CDH13: variants seen among roughly 807,000 people sequenced by gnomAD.
CDH13 encodes the protein cadherin-13.
A neutral mutation model predicts 63.8 loss-of-function variants in CDH13; 24 were observed. The ratio of observed to expected loss-of-function variants is 0.38; its 90% CI spans 0.27 to 0.53. CDH13 has a LOEUF of 0.53. CDH13 is among the 20% of genes least tolerant of loss of function. The pLI, the probability that CDH13 is intolerant of heterozygous loss-of-function variation, is 0.85. For synonymous variants in CDH13, 503 were observed against 355.3 expected (o/e 1.42, Z -4.67); for missense variants, 1,049 against 903.1 (o/e 1.16, Z -2.07).
chr16:83,699,979 C>T (rs1220928828), intron 10 of CDH13, among the ~76,000 whole-genome samples: 1 of 152,182 alleles, frequency 6.6e-6, no homozygotes, highest in Non-Finnish European at 1.5e-5. Context: ...TGAGTTCTGA[C>T]ATATGTGCAC....
intron 2 of CDH13, among the ~76,000 whole-genome samples, chr16:82,964,481 G>T (rs1355396868): frequency 2.0e-5 from 3 of 152,190 alleles, no homozygotes. Flanking sequence ...AGAAAGAGGA[G>T]ATAATTGTCC....
intron 4 of CDH13, among the ~76,000 whole-genome samples, chr16:83,167,499 C>CAAAAA (rs11430454): frequency 1.0e-5 from 1 of 99,544 alleles, no homozygotes; most frequent in African/African-American, 4.0e-5. Flanking sequence ...GACCCTTTCC[C>CAAAAA]AAAAAAAAAA....
chr16:82,814,382 G>A (rs12716953), intron 1 of CDH13, among the ~76,000 whole-genome samples: 64,203 of 151,892 alleles, frequency 0.42, 14,700 homozygotes, highest in African/African-American at 0.6. Flanking sequence ...AGAAGGTTGG[G>A]GCTTTCATCA....
In CDH13 at chr16:83,715,428, G is replaced by A. The variant is rs565184920; in HGVS notation, c.1539-32680G>A. Among the ~76,000 whole-genome samples, 205 of 152,290 alleles carry A rather than the reference G, an allele frequency of 1.3e-3. 1 individual carries two copies. The highest frequency in any genetic ancestry group is 4.5e-3 in the African/African-American group (188 of 41,570). ...CAGTTGTTTGTTTTAGCATTTTCGA[G>A]TATTTATACTGGCTGCGGTAAGGGA... is the stretch of plus-strand genomic sequence containing the variant. On this transcript the variant is annotated intron_variant, in intron 10 of 13. Transcript: ENST00000567109.
intron 7 of CDH13, among the ~76,000 whole-genome samples, chr16:83,503,664 C>G (rs2074333839): frequency 6.6e-6 from 1 of 152,112 alleles, no homozygotes; most frequent in African/African-American, 2.4e-5. Flanking sequence ...GAGCTTTTTT[C>G]CAAATGTTTT....
At chr16:83,587,353 G>C (rs1906266287) in intron 7 of CDH13, among the ~76,000 whole-genome samples, 1 of 152,168 alleles carries the variant, frequency 6.6e-6, no homozygotes, top group South Asian at 2.1e-4. Flanking sequence ...AGGTTGTAAA[G>C]CTGGAATGGC....
intron 6 of CDH13, among the ~76,000 whole-genome samples, chr16:83,468,015 C>T (rs2073360392): frequency 6.6e-6 from 1 of 152,202 alleles, no homozygotes; most frequent in East Asian, 1.9e-4. Context: ...CAGCACAGTT[C>T]ACAGGTGTAT....
At chr16:83,467,501 T>A (rs1301161823) in intron 6 of CDH13, among the ~76,000 whole-genome samples, 2 of 151,472 alleles carry the variant, frequency 1.3e-5, no homozygotes, top group African/African-American at 4.9e-5. Context: ...TCTTTGTGAA[T>A]TGAGCCTAGA....
At position 83,295,739 on chromosome 16, in the gene CDH13, C is replaced by T. The variant is rs1232569200; in HGVS notation, c.637-49123C>T. 2.0e-5 allele frequency among the ~76,000 whole-genome samples: 3 copies of T among 152,018 alleles called. No individual in the cohort carries two copies. In the East Asian group the frequency reaches 5.8e-4, roughly 29 times the overall value. On this transcript the variant is annotated intron_variant, in intron 5 of 13. Transcript: ENST00000567109. ...ACTGTTGATGGGAATGTAAGTACAG[C>T]TATAATGGAAAATAGTATAGAGATT...
intron 7 of CDH13, among the ~76,000 whole-genome samples, chr16:83,497,157 C>G (rs1351431198): frequency 6.6e-6 from 1 of 152,152 alleles, no homozygotes; most frequent in Non-Finnish European, 1.5e-5. Flanking sequence ...CATCCCATTA[C>G]TGGGTATATA....
chr16:83,580,014 T>A (rs1905408885), intron 7 of CDH13, among the ~76,000 whole-genome samples: 1 of 152,106 alleles, frequency 6.6e-6, no homozygotes, highest in South Asian at 2.1e-4. Flanking sequence ...GAGCATGGCA[T>A]GTTTGGCTAA....
At chr16:83,523,933 C>T (rs2074898043) in intron 7 of CDH13, among the ~76,000 whole-genome samples, 1 of 152,174 alleles carries the variant, frequency 6.6e-6, no homozygotes, top group Admixed American at 6.5e-5. Context: ...CTTCTCTGCA[C>T]CAGCCCAGAT....
At chr16:83,326,442 T>A (rs2090364525) in intron 5 of CDH13, among the ~76,000 whole-genome samples, 5 of 150,780 alleles carry the variant, frequency 3.3e-5, no homozygotes, top group African/African-American at 9.8e-5. Flanking sequence ...TTTTTTTTTT[T>A]AACTTTTGAA....
intron 1 of CDH13, among the ~76,000 whole-genome samples, chr16:82,814,164 T>A (rs2151186004): frequency 6.6e-6 from 1 of 152,304 alleles, no homozygotes; most frequent in South Asian, 2.1e-4. Context: ...GTTCTAATAT[T>A]TAGTCTGTGA....
chr16:83,201,418 C>T (rs999744099), intron 4 of CDH13, among the ~76,000 whole-genome samples: 6 of 149,602 alleles, frequency 4.0e-5, no homozygotes, highest in Non-Finnish European at 5.9e-5. Flanking sequence ...AATAAGGTGG[C>T]CAGGGAAGTC....
chr16:83,565,742 G>C (rs1003560640), intron 7 of CDH13, among the ~76,000 whole-genome samples: 1 of 151,758 alleles, frequency 6.6e-6, no homozygotes, highest in Admixed American at 6.6e-5. Context: ...TGTGATAACT[G>C]ATTTATTATT....
chr16:83,311,344 A>G (rs563620597), intron 5 of CDH13, among the ~76,000 whole-genome samples: 8 of 152,334 alleles, frequency 5.3e-5, no homozygotes, highest in East Asian at 1.9e-4. Flanking sequence ...AAAAAATTAA[A>G]AAGTAAAAGT....
intron 5 of CDH13, among the ~76,000 whole-genome samples, chr16:83,282,774 A>C (rs2089211839): frequency 6.6e-6 from 1 of 152,216 alleles, no homozygotes; most frequent in Admixed American, 6.5e-5. Context: ...GCTTCTGAAC[A>C]CATTGCATTG....
chr16:83,463,638 T>C (rs2073235690), intron 6 of CDH13, among the ~76,000 whole-genome samples: 1 of 152,070 alleles, frequency 6.6e-6, no homozygotes, highest in Admixed American at 6.6e-5. Flanking sequence ...CCCATCATTA[T>C]AAAAATTTTA....
Sources: allele counts gnomAD v4.1 joint callset (sites outside exome capture counted in the v4.1 genomes callset), GRCh38; gene constraint gnomAD v4.1.1; transcripts MANE v1.5; gene names NCBI Gene and HGNC (gene_info 2026-07-23, HGNC 2026-07-21).